UTS2B: variants seen among roughly 807,000 people sequenced by gnomAD.
UTS2B encodes the protein urotensin-2B.
A neutral mutation model predicts 19.2 loss-of-function variants in UTS2B; 21 were observed. The observed-to-expected ratio is 1.09, with a 90% confidence interval of 0.78 to 1.58. UTS2B has a LOEUF of 1.58. Among genes scored for constraint, UTS2B ranks in the 40% most tolerant of loss-of-function variants. The pLI, the probability that UTS2B is intolerant of heterozygous loss-of-function variation, is 0.00. For missense variants in UTS2B, 138 were observed against 130.3 expected (o/e 1.06, Z -0.29); for synonymous variants, 57 against 50.2 (o/e 1.14, Z -0.58).
chr3:191,278,813 A>C (rs1716307617), intron 5 of UTS2B, among the ~76,000 whole-genome samples: 1 of 152,082 alleles, frequency 6.6e-6, no homozygotes, highest in Non-Finnish European at 1.5e-5. Flanking sequence ...CTAGCAAGCT[A>C]TAAAACATGA....
At chr3:191,332,615 G>C (rs1171540086), upstream of UTS2B, among the ~76,000 whole-genome samples, 1 of 152,232 alleles carries the variant, frequency 6.6e-6, no homozygotes, top group Admixed American at 6.5e-5. Context: ...GAATGTTAGG[G>C]AAAGGAACAG....
chr3:191,342,836 A>C, the UTS2B span, among the ~76,000 whole-genome samples: 33 of 152,344 alleles, frequency 2.2e-4, no homozygotes, highest in African/African-American at 7.9e-4. Flanking sequence ...AAAATTGTCT[A>C]CTACTGCTTA....
Position 191,314,021 on chromosome 3 carries a change from G to A in UTS2B, c.-182+2015C>T, listed in dbSNP as rs544044816. 3.3e-5 allele frequency among the ~76,000 whole-genome samples: 5 copies of A among 152,118 alleles called. No individual in the cohort carries two copies. The South Asian group carries it at 6.2e-4, about 19-fold the overall frequency. ...GCTGGGATTACAGGCATGAGCCACC[G>A]CACCAGGCCCCTCCACTTGTTTTCT... On this transcript the variant is annotated intron_variant, in intron 3 of 8. Coordinates refer to ENST00000340524, the MANE Select transcript of UTS2B (RefSeq NM_198152.5).
At chr3:191,320,559 A>C (rs1560147837) in intron 2 of UTS2B, among the ~76,000 whole-genome samples, 1 of 152,222 alleles carries the variant, frequency 6.6e-6, no homozygotes, top group Non-Finnish European at 1.5e-5. Context: ...AGTAAACTCC[A>C]GGGGAATAAG....
At chr3:191,272,402 C>T (rs1303984606) in intron 8 of UTS2B, among the ~76,000 whole-genome samples, 1 of 152,210 alleles carries the variant, frequency 6.6e-6, no homozygotes, top group Non-Finnish European at 1.5e-5. Context: ...GGATTCAGAT[C>T]ATGTGCCTAG....
the UTS2B span, among the ~76,000 whole-genome samples, chr3:191,341,122 T>G: frequency 1.3e-5 from 2 of 152,164 alleles, no homozygotes; most frequent in Admixed American, 1.3e-4. Flanking sequence ...GAGCAAGTAC[T>G]CACTGTAAAT....
intron 7 of UTS2B, among the ~76,000 whole-genome samples, chr3:191,275,759 AAGAG>A (rs1272555598): frequency 6.6e-6 from 1 of 152,130 alleles, no homozygotes; most frequent in Non-Finnish European, 1.5e-5. Context: ...AAGAAAAAAA[AAGAG>A]AGAAAATGGA....
At position 191,309,680 on chromosome 3, in the gene UTS2B, G is replaced by C. The variant is rs75710787; in HGVS notation, c.-181-5132C>G. ...ATGAATGGATTAGTACCAACCCCTC[G>C]ATGCTGTTTTGGTAATAGCGCGTGA... On this transcript the variant is annotated intron_variant, in intron 3 of 8. Transcript: ENST00000340524. Among the ~76,000 whole-genome samples the C allele has an allele frequency of 3.3e-5, 5 of 152,140 alleles. No individual in the cohort carries two copies. In the East Asian group the frequency reaches 9.7e-4, roughly 29 times the overall value.
intron 4 of UTS2B, among the ~76,000 whole-genome samples, chr3:191,298,122 T>C (rs1243078211): frequency 6.6e-6 from 1 of 152,196 alleles, no homozygotes; most frequent in Admixed American, 6.5e-5. Context: ...TCTTTTTATT[T>C]TTTAGGGAAA....
the UTS2B span, among the ~76,000 whole-genome samples, chr3:191,342,942 A>G: frequency 6.6e-6 from 1 of 152,198 alleles, no homozygotes; most frequent in African/African-American, 2.4e-5. Context: ...ATAATTGATA[A>G]GTACCTTTAA....
intron 1 of UTS2B, chr3:191,329,793 G>T (rs1290050266): frequency 3.3e-6 from 5 of 1,532,382 alleles, no homozygotes; most frequent in Admixed American, 1.9e-5. Context: ...CAGGTCAGGG[G>T]CGTTGCCATT....
the UTS2B span, among the ~76,000 whole-genome samples, chr3:191,337,156 T>G: frequency 6.7e-6 from 1 of 149,804 alleles, no homozygotes; most frequent in Non-Finnish European, 1.5e-5. Context: ...TTTTGCGACC[T>G]GATACTAGAC....
At chr3:191,333,689 A>T (rs1718058665), upstream of UTS2B, among the ~76,000 whole-genome samples, 1 of 152,012 alleles carries the variant, frequency 6.6e-6, no homozygotes. Flanking sequence ...TGTGTGAATA[A>T]ATGAATGAGT....
At chr3:191,306,273 A>C (rs920374065) in intron 3 of UTS2B, among the ~76,000 whole-genome samples, 1 of 152,224 alleles carries the variant, frequency 6.6e-6, no homozygotes, top group Non-Finnish European at 1.5e-5. Flanking sequence ...CTCACCATTT[A>C]AGATAAAGGA....
chr3:191,322,163 T>C (rs1717629907), intron 2 of UTS2B, among the ~76,000 whole-genome samples: 1 of 152,164 alleles, frequency 6.6e-6, no homozygotes, highest in East Asian at 1.9e-4. Flanking sequence ...TTTTGTAACC[T>C]GGTAGAAACA....
upstream of UTS2B, among the ~76,000 whole-genome samples, chr3:191,330,939 T>A (rs1240021625): frequency 1.3e-5 from 2 of 152,202 alleles, no homozygotes; most frequent in African/African-American, 4.8e-5. Flanking sequence ...CGTGAGATTT[T>A]AGCGTTAATA....
At position 191,298,946 on chromosome 3, in the gene UTS2B, C is replaced by T. The variant is rs1244469291; in HGVS notation, c.-125+5546G>A. ...TAACAAAGAGATTGAATGCATTATG[C>T]CCCTGCTCTAGGGATCTGTGGAACT... On this transcript the variant is annotated intron_variant, in intron 4 of 8. Transcript: ENST00000340524. Among the ~76,000 whole-genome samples, 4 of 152,174 alleles carry T rather than the reference C, an allele frequency of 2.6e-5. No homozygotes were observed. In the South Asian group the frequency reaches 6.2e-4, roughly 24 times the overall value.
chr3:191,334,053 A>G (rs534260183), upstream of UTS2B, among the ~76,000 whole-genome samples: 1 of 152,274 alleles, frequency 6.6e-6, no homozygotes, highest in Non-Finnish European at 1.5e-5. Context: ...TTACTTGAGT[A>G]ATAATAGGTT....
intron 8 of UTS2B, chr3:191,273,389 C>T: frequency 4.6e-6 from 2 of 439,172 alleles, no homozygotes; most frequent in South Asian, 3.3e-5. Flanking sequence ...TACCAACCTG[C>T]CTTGCCATAT....
Sources: allele counts gnomAD v4.1 joint callset (sites outside exome capture counted in the v4.1 genomes callset), GRCh38; gene constraint gnomAD v4.1.1; transcripts MANE v1.5; gene names NCBI Gene and HGNC (gene_info 2026-07-23, HGNC 2026-07-21).